Variants in ST3GAL3 observed in about 807,000 individuals in gnomAD.
ST3GAL3 encodes ST3 beta-galactoside alpha-2,3-sialyltransferase 3, also known as CMP-N-acetylneuraminate-beta-1,4-galactoside alpha-2,3-sialyltransferase.
ST3GAL3 carries 21 observed loss-of-function variants against 50.1 expected under a neutral mutation model. That is an observed-to-expected ratio of 0.42 (90% CI 0.30 to 0.60). ST3GAL3 has a LOEUF of 0.60. Among genes scored for constraint, ST3GAL3 ranks in the 20% least tolerant of loss-of-function variants. The pLI is 0.19. For synonymous variants in ST3GAL3, 183 were observed against 190.0 expected (o/e 0.96, Z 0.30); for missense variants, 353 against 489.4 (o/e 0.72, Z 2.63).
intron 4 of ST3GAL3, among the ~76,000 whole-genome samples, chr1:43,820,359 A>T (rs1439630287): frequency 6.6e-6 from 1 of 152,206 alleles, no homozygotes; most frequent in African/African-American, 2.4e-5. Flanking sequence ...CCTAACAGAA[A>T]ACCTAGGACA....
chr1:43,841,390 A>G (rs1396628379), intron 5 of ST3GAL3: 1 of 151,764 alleles, frequency 6.6e-6, no homozygotes, highest in Non-Finnish European at 1.5e-5. Context: ...TTTTCCATAC[A>G]TCCTCTGAAA....
intron 1 of ST3GAL3, chr1:43,709,251 A>G (rs1210929082): frequency 6.6e-6 from 1 of 152,250 alleles, no homozygotes; most frequent in Non-Finnish European, 1.5e-5. Flanking sequence ...CACAAAAGGT[A>G]GGTTGATGGC....
At chr1:43,851,128 G>T in intron 5 of ST3GAL3, 1 of 1,115,648 alleles carries the variant, frequency 9.0e-7, no homozygotes, top group Non-Finnish European at 1.4e-6. Flanking sequence ...TTTAGGAGGA[G>T]CAGCTGGTTC....
At chr1:43,820,599 T>C (rs1315884992) in intron 4 of ST3GAL3, among the ~76,000 whole-genome samples, 1 of 152,212 alleles carries the variant, frequency 6.6e-6, no homozygotes, top group Non-Finnish European at 1.5e-5. Flanking sequence ...TTTTAGATTT[T>C]TTTTCTTCAC....
intron 5 of ST3GAL3, among the ~76,000 whole-genome samples, chr1:43,866,466 C>T (rs1245385865): frequency 6.6e-6 from 1 of 152,000 alleles, no homozygotes; most frequent in East Asian, 1.9e-4. Context: ...CACCCATAGT[C>T]CCAGCTACTC....
At chr1:43,745,565 A>T (rs1683269087) in intron 2 of ST3GAL3, among the ~76,000 whole-genome samples, 1 of 152,246 alleles carries the variant, frequency 6.6e-6, no homozygotes, top group South Asian at 2.1e-4. Context: ...CAGACCACAT[A>T]TGCAAAAGTG....
intron 5 of ST3GAL3, chr1:43,850,879 G>A (rs1050237693): frequency 1.1e-5 from 14 of 1,255,530 alleles, no homozygotes; most frequent in Non-Finnish European, 1.6e-5. Context: ...GAGTTGATGA[G>A]AGACTCCAGG....
chr1:43,834,480 C>T (rs879696829), intron 4 of ST3GAL3, among the ~76,000 whole-genome samples: 2 of 152,104 alleles, frequency 1.3e-5, no homozygotes, highest in Admixed American at 6.5e-5. Context: ...TCCCTGTTGC[C>T]GAATCCAGCA....
At chr1:43,714,744 T>A (rs1666530268) in intron 1 of ST3GAL3, among the ~76,000 whole-genome samples, 2 of 152,232 alleles carry the variant, frequency 1.3e-5, no homozygotes, top group South Asian at 4.1e-4. Context: ...ACATACACAC[T>A]TCTCCTCGGC....
intron 11 of ST3GAL3, among the ~76,000 whole-genome samples, chr1:43,926,985 A>G (rs987379542): frequency 3.3e-5 from 5 of 151,878 alleles, no homozygotes; most frequent in African/African-American, 4.8e-5. Context: ...TCATGCTCCC[A>G]CTCCACTGAT....
chr1:43,721,318 T>TTA (rs1670341673), intron 1 of ST3GAL3, among the ~76,000 whole-genome samples: 1 of 124,570 alleles, frequency 8.0e-6, no homozygotes, highest in African/African-American at 3.0e-5. Context: ...TTTTTTTTTT[T>TTA]AATGAGACGG....
chr1:43,814,832 A>C, intron 3 of ST3GAL3, 59 bp from the exon 4 acceptor site: 4 of 1,536,664 alleles, frequency 2.6e-6, no homozygotes, highest in Non-Finnish European at 3.6e-6. Context: ...TGGGGGATGC[A>C]ATATGCTAGT....
intron 2 of ST3GAL3, among the ~76,000 whole-genome samples, chr1:43,752,624 C>G (rs1369541425): frequency 6.6e-6 from 1 of 152,162 alleles, no homozygotes; most frequent in Non-Finnish European, 1.5e-5. Flanking sequence ...TCTCATCCTC[C>G]CATGTGGTGG....
intron 3 of ST3GAL3, among the ~76,000 whole-genome samples, chr1:43,811,228 A>C (rs1406176113): frequency 6.6e-6 from 1 of 152,172 alleles, no homozygotes; most frequent in African/African-American, 2.4e-5. Flanking sequence ...TGGTGGGGAA[A>C]GGGCATGCCC....
At chr1:43,897,039 T>G (rs1413842440) in intron 6 of ST3GAL3, among the ~76,000 whole-genome samples, 1 of 7,064 alleles carries the variant, frequency 1.4e-4, no homozygotes, top group South Asian at 4.0e-3. Context: ...GGTCATTGAT[T>G]TTTTTTTTTT....
chr1:43,740,595 A>G (rs563663659), intron 2 of ST3GAL3, among the ~76,000 whole-genome samples: 2 of 152,184 alleles, frequency 1.3e-5, no homozygotes, highest in South Asian at 4.2e-4. Context: ...ATTTGAGGCC[A>G]GGAGTTTGAG....
chr1:43,714,951 C>T (rs1316009910), intron 1 of ST3GAL3, among the ~76,000 whole-genome samples: 1 of 152,194 alleles, frequency 6.6e-6, no homozygotes, highest in Non-Finnish European at 1.5e-5. Context: ...GATGAAATGT[C>T]ATCTACTGCC....
In ST3GAL3 at chr1:43,899,018, C is replaced by A; in HGVS notation, c.462-150C>A. 9.5e-7 allele frequency: 1 copy of A among 1,057,522 alleles called. No homozygotes were observed. Among genetic ancestry groups the A allele is most frequent in the Non-Finnish European group, 1.4e-6 (1 of 721,624 alleles). 65.5% of individuals were successfully genotyped at this position (1,057,522 alleles called of 1,614,324 possible). On this transcript the variant is annotated intron_variant, in intron 7 of 11. Transcript: ENST00000347631. This position sits in a 1 kb window ranked among gnomAD's most constrained non-coding sequence, Gnocchi z 5.4. ...CTACCCATTGTATGGTTCAGGCCTT[C>A]TCTCAGAAATGCTGCCAGAAGCCCA... is the stretch of plus-strand genomic sequence containing the variant.
In ST3GAL3 at chr1:43,899,877, A is replaced by C. The variant is rs1243900188; in HGVS notation, c.744+150A>C. ...AAGCCGAAATCACCCAATGGCAACC[A>C]GGGGGCAAAGAGGTCAGGAGATTGC... On this transcript the variant is annotated intron_variant, in intron 9 of 11. Transcript: ENST00000347631. This position sits in a 1 kb window ranked among gnomAD's most constrained non-coding sequence, Gnocchi z 5.4. 2 of 840,880 alleles carry C rather than the reference A, an allele frequency of 2.4e-6. No individual in the cohort carries two copies. 52.1% of individuals were successfully genotyped at this position (840,880 alleles called of 1,614,324 possible).
Sources: allele counts gnomAD v4.1 joint callset (sites outside exome capture counted in the v4.1 genomes callset), GRCh38; gene constraint gnomAD v4.1.1; non-coding constraint Gnocchi (gnomAD v3.1); transcripts MANE v1.5; gene names NCBI Gene and HGNC (gene_info 2026-07-23, HGNC 2026-07-21).